Variants in PLA2G4A observed in about 807,000 individuals in gnomAD.
The protein encoded by PLA2G4A is phospholipase A2 group IVA, also known as cytosolic phospholipase A2.
PLA2G4A carries 40 observed loss-of-function variants against 81.9 expected under a neutral mutation model. The observed-to-expected ratio is 0.49, with a 90% CI of 0.38 to 0.64. The LOEUF is 0.64. Among genes scored for constraint, PLA2G4A ranks in the 30% least tolerant of loss-of-function variants. The pLI is 0.00. For missense variants in PLA2G4A, 715 were observed against 905.1 expected (o/e 0.79, Z 2.69); for synonymous variants, 302 against 296.9 (o/e 1.02, Z -0.18).
intron 5 of PLA2G4A, among the ~76,000 whole-genome samples, chr1:186,896,618 T>C (rs928832314): frequency 2.6e-5 from 4 of 152,216 alleles, no homozygotes; most frequent in Non-Finnish European, 5.9e-5. Context: ...TGAGAGAAGA[T>C]ATTGTGGACA....
intron 6 of PLA2G4A, among the ~76,000 whole-genome samples, chr1:186,910,338 C>T (rs1417533306): frequency 2.0e-5 from 3 of 152,010 alleles, no homozygotes; most frequent in Admixed American, 6.6e-5. Flanking sequence ...TTCTTGACTT[C>T]TGCTTTTTGG....
intron 5 of PLA2G4A, among the ~76,000 whole-genome samples, chr1:186,899,374 G>T (rs897262669): frequency 6.6e-6 from 1 of 152,118 alleles, no homozygotes; most frequent in Non-Finnish European, 1.5e-5. Flanking sequence ...GGGGGAGCAG[G>T]ATCATTGCGG....
intron 14 of PLA2G4A, among the ~76,000 whole-genome samples, chr1:186,962,515 T>C (rs1218860030): frequency 2.7e-5 from 4 of 149,990 alleles, no homozygotes; most frequent in African/African-American, 9.7e-5. Context: ...TATTTATTTA[T>C]TTATTTATTT....
At chr1:186,880,787 A>G (rs1249128034) in intron 3 of PLA2G4A, among the ~76,000 whole-genome samples, 7 of 152,050 alleles carry the variant, frequency 4.6e-5, no homozygotes, top group Non-Finnish European at 8.8e-5. Flanking sequence ...ATTCCAAGAA[A>G]CATCCGTACA....
intron 17 of PLA2G4A, among the ~76,000 whole-genome samples, chr1:186,982,338 A>G (rs996887211): frequency 1.3e-5 from 2 of 152,228 alleles, no homozygotes; most frequent in Non-Finnish European, 2.9e-5. Context: ...AAGCTGCTTA[A>G]ACTTTTTGAG....
In PLA2G4A at chr1:186,882,565, T is replaced by A. The variant is rs192139609; in HGVS notation, c.116-10446T>A. Among the ~76,000 whole-genome samples, 235 of 152,202 alleles carry A rather than the reference T, an allele frequency of 1.5e-3. 1 individual carries two copies. The highest frequency in any genetic ancestry group is 3.4e-3 in the Middle Eastern group (1 of 294). ...TGCCGTAGAGTGATATTCCAGTGAA[T>A]GGCTGAGAAGGGTCACTGACTAGAG... On this transcript the variant is annotated intron_variant, in intron 3 of 17. Coordinates refer to ENST00000367466, the MANE Select transcript of PLA2G4A (RefSeq NM_024420.3).
chr1:186,861,806 G>A (rs2102042311), intron 2 of PLA2G4A, among the ~76,000 whole-genome samples: 1 of 152,078 alleles, frequency 6.6e-6, no homozygotes, highest in Non-Finnish European at 1.5e-5. Context: ...TTCACCATAT[G>A]ACAGTTATTT....
chr1:186,838,502 T>C (rs533600721), intron 1 of PLA2G4A, among the ~76,000 whole-genome samples: 53 of 152,318 alleles, frequency 3.5e-4, no homozygotes, highest in Non-Finnish European at 6.6e-4. Flanking sequence ...TTTCCAGCTC[T>C]AGTAGGTGGG....
intron 1 of PLA2G4A, among the ~76,000 whole-genome samples, 184 bp downstream of exon 1, chr1:186,829,219 A>G (rs1015326040): frequency 7.9e-5 from 12 of 152,254 alleles, no homozygotes; most frequent in East Asian, 3.9e-4. Context: ...AGGGACCTCA[A>G]TTTTCTTCAA....
intron 2 of PLA2G4A, among the ~76,000 whole-genome samples, chr1:186,856,623 T>C (rs1287141690): frequency 6.6e-6 from 1 of 151,970 alleles, no homozygotes; most frequent in Non-Finnish European, 1.5e-5. Flanking sequence ...AACTCCTGAT[T>C]GTTTATGTTT....
intron 7 of PLA2G4A, among the ~76,000 whole-genome samples, chr1:186,912,762 ATAAG>A (rs1208513422): frequency 8.2e-5 from 11 of 133,664 alleles, no homozygotes; most frequent in Admixed American, 2.2e-4. Flanking sequence ...ATATATATAC[ATAAG>A]TATATATATA....
chr1:186,858,946 G>T (rs1652697160), intron 2 of PLA2G4A, among the ~76,000 whole-genome samples: 1 of 151,372 alleles, frequency 6.6e-6, no homozygotes. Context: ...TGTGTAAATT[G>T]TTTTAAAAAA....
intron 8 of PLA2G4A, among the ~76,000 whole-genome samples, chr1:186,935,502 A>G (rs1207464468): frequency 6.6e-6 from 1 of 151,794 alleles, no homozygotes; most frequent in South Asian, 2.1e-4. Context: ...AGATAAAGAA[A>G]TAGAAGATAG....
intron 15 of PLA2G4A, among the ~76,000 whole-genome samples, chr1:186,975,562 G>A (rs988294840): frequency 1.3e-5 from 2 of 152,174 alleles, no homozygotes; most frequent in African/African-American, 2.4e-5. Context: ...CTATGAGAAA[G>A]GCGATGGTAT....
chr1:186,938,358 T>G (rs1396181101), intron 8 of PLA2G4A, among the ~76,000 whole-genome samples: 1 of 152,108 alleles, frequency 6.6e-6, no homozygotes, highest in African/African-American at 2.4e-5. Context: ...TTACCAGAAG[T>G]GGCCAAATGG....
chr1:186,882,813 A>T (rs1351404382), intron 3 of PLA2G4A, among the ~76,000 whole-genome samples: 2 of 152,088 alleles, frequency 1.3e-5, no homozygotes. Context: ...TTTGAATGAA[A>T]TGAAGGAGTC....
chr1:186,889,546 A>T (rs377230154), intron 3 of PLA2G4A, among the ~76,000 whole-genome samples: 12 of 152,322 alleles, frequency 7.9e-5, no homozygotes, highest in East Asian at 5.8e-4. Context: ...TATAATAACA[A>T]CCACTAAACA....
intron 2 of PLA2G4A, 51 bp from the exon 3 acceptor site, chr1:186,870,384 G>A (rs1653213518): frequency 2.9e-6 from 3 of 1,030,022 alleles, no homozygotes; most frequent in Non-Finnish European, 4.6e-6. Context: ...AGGAAAAAAT[G>A]AGGTTCTATG....
chr1:186,947,852 A>G (rs1193548668), intron 12 of PLA2G4A, among the ~76,000 whole-genome samples: 1 of 152,154 alleles, frequency 6.6e-6, no homozygotes, highest in Non-Finnish European at 1.5e-5. Flanking sequence ...AGAACAAAGA[A>G]GTCGACAGAA....
Sources: allele counts gnomAD v4.1 joint callset (sites outside exome capture counted in the v4.1 genomes callset), GRCh38; gene constraint gnomAD v4.1.1; transcripts MANE v1.5; gene names NCBI Gene and HGNC (gene_info 2026-07-23, HGNC 2026-07-21).